The following GRID2 variants were observed in gnomAD, a reference collection of about 807,000 sequenced individuals.
GRID2 encodes glutamate receptor ionotropic, delta-2.
GRID2 carries 33 observed loss-of-function variants against 114.8 expected under a neutral mutation model. The observed-to-expected ratio is 0.29, with a 90% CI of 0.22 to 0.38. GRID2 has a LOEUF of 0.38. Among genes scored for constraint, GRID2 ranks in the 10% least tolerant of loss-of-function variants. The pLI, the probability that GRID2 is intolerant of heterozygous loss-of-function variation, is 1.00. For synonymous variants in GRID2, 505 were observed against 449.9 expected (o/e 1.12, Z -1.55); for missense variants, 1,184 against 1,257.7 (o/e 0.94, Z 0.89).
chr4:92,316,762 G>T lies in GRID2; in HGVS notation c.88+12018G>T, dbSNP rs1035781539. Among the ~76,000 whole-genome samples, 5 of 152,032 alleles carry T rather than the reference G, an allele frequency of 3.3e-5. No homozygotes were observed. In the South Asian group the frequency reaches 1.0e-3, roughly 31 times the overall value. On this transcript the variant is annotated intron_variant, in intron 1 of 15. Transcript: ENST00000282020. ...ATGCCATTTTTATAGTAGCCTAAAG[G>T]TGCCATAAAAACATATATTTCAGAA...
intron 9 of GRID2, among the ~76,000 whole-genome samples, chr4:93,399,096 A>G (rs1422357615): frequency 3.9e-5 from 6 of 151,926 alleles, no homozygotes; most frequent in African/African-American, 7.2e-5. Flanking sequence ...TCTATACTCA[A>G]CTTGATGTTG....
chr4:92,986,646 TA>T (rs1047799249), intron 2 of GRID2, among the ~76,000 whole-genome samples: 4 of 152,136 alleles, frequency 2.6e-5, no homozygotes, highest in African/African-American at 9.7e-5. Context: ...GAATGCTGCC[TA>T]GGGGGTATAT....
intron 2 of GRID2, among the ~76,000 whole-genome samples, chr4:92,884,338 C>T (rs1746221995): frequency 6.6e-6 from 1 of 152,140 alleles, no homozygotes; most frequent in African/African-American, 2.4e-5. Context: ...ATCTTCTATC[C>T]AGATCACTCA....
At chr4:93,612,062 T>A (rs973125316) in intron 13 of GRID2, among the ~76,000 whole-genome samples, 2 of 152,166 alleles carry the variant, frequency 1.3e-5, no homozygotes, top group African/African-American at 4.8e-5. Flanking sequence ...CCCTTTACCA[T>A]TATGTAATGG....
intron 13 of GRID2, among the ~76,000 whole-genome samples, chr4:93,541,049 G>T (rs1732600883): frequency 1.3e-5 from 2 of 152,086 alleles, no homozygotes; most frequent in South Asian, 4.1e-4. Flanking sequence ...AAATGAAAAA[G>T]AATATGACAG....
intron 8 of GRID2, among the ~76,000 whole-genome samples, chr4:93,376,863 T>C (rs1200664803): frequency 2.0e-5 from 3 of 152,262 alleles, no homozygotes; most frequent in Non-Finnish European, 2.9e-5. Flanking sequence ...AAATAACTAA[T>C]GCATACTGGG....
At chr4:93,198,522 G>T (rs1741735983) in intron 4 of GRID2, among the ~76,000 whole-genome samples, 1 of 152,122 alleles carries the variant, frequency 6.6e-6, no homozygotes, top group Non-Finnish European at 1.5e-5. Flanking sequence ...GAGGGACTAA[G>T]GGGTTATATA....
At chr4:93,398,692 A>G (rs961416042) in intron 9 of GRID2, among the ~76,000 whole-genome samples, 2 of 151,496 alleles carry the variant, frequency 1.3e-5, no homozygotes, top group African/African-American at 4.8e-5. Context: ...ATTTCCTGCA[A>G]GCTTAGCCCT....
chr4:92,588,540 G>A (rs1460472575), intron 1 of GRID2, among the ~76,000 whole-genome samples: 2 of 151,612 alleles, frequency 1.3e-5, no homozygotes, highest in Admixed American at 6.6e-5. Context: ...TTAGCTGGGC[G>A]CGGTGGCAGG....
chr4:93,151,256 C>T (rs1405991567), intron 4 of GRID2, among the ~76,000 whole-genome samples: 1 of 151,836 alleles, frequency 6.6e-6, no homozygotes, highest in Non-Finnish European at 1.5e-5. Context: ...AGAGATTTTT[C>T]TGGAGGCTGT....
chr4:92,898,627 C>A (rs919726974), intron 2 of GRID2, among the ~76,000 whole-genome samples: 2 of 152,064 alleles, frequency 1.3e-5, no homozygotes, highest in Admixed American at 6.5e-5. Context: ...AAGGAGAGAG[C>A]CTTCAAAAGT....
intron 14 of GRID2, among the ~76,000 whole-genome samples, chr4:93,742,979 A>G (rs752195093): frequency 9.2e-5 from 14 of 152,246 alleles, no homozygotes; most frequent in Non-Finnish European, 1.8e-4. Context: ...GCCAAAAGTT[A>G]GTTGTCTTGT....
chr4:92,966,461 G>C (rs951419948), intron 2 of GRID2, among the ~76,000 whole-genome samples: 3 of 152,002 alleles, frequency 2.0e-5, no homozygotes, highest in Admixed American at 2.0e-4. Flanking sequence ...CCAGATTTCA[G>C]TGGGCTCTGA....
chr4:92,942,096 A>G (rs1439530692), intron 2 of GRID2, among the ~76,000 whole-genome samples: 2 of 152,174 alleles, frequency 1.3e-5, no homozygotes, highest in East Asian at 1.9e-4. Context: ...TACTTGGTGC[A>G]GAGCTGAGTT....
intron 2 of GRID2, among the ~76,000 whole-genome samples, chr4:92,897,385 C>G (rs1747247498): frequency 6.6e-6 from 1 of 152,066 alleles, no homozygotes; most frequent in Non-Finnish European, 1.5e-5. Flanking sequence ...TCATACAAAA[C>G]AGTGTACTTT....
chr4:93,293,153 G>A (rs754064063), intron 8 of GRID2, among the ~76,000 whole-genome samples: 4 of 152,040 alleles, frequency 2.6e-5, no homozygotes, highest in Non-Finnish European at 5.9e-5. Flanking sequence ...TTTTAATACA[G>A]TTACATTATT....
At chr4:92,779,044 A>G (rs1450233284) in intron 2 of GRID2, among the ~76,000 whole-genome samples, 3 of 152,102 alleles carry the variant, frequency 2.0e-5, no homozygotes, top group Non-Finnish European at 4.4e-5. Flanking sequence ...TATCATATGT[A>G]TGAAATGTAA....
At chr4:92,698,269 T>G (rs1346985912) in intron 2 of GRID2, among the ~76,000 whole-genome samples, 1 of 152,280 alleles carries the variant, frequency 6.6e-6, no homozygotes, top group African/African-American at 2.4e-5. Flanking sequence ...AATCACATAT[T>G]ATCATTTTCA....
At chr4:93,137,929 A>G (rs1291634034) in intron 4 of GRID2, among the ~76,000 whole-genome samples, 1 of 116,902 alleles carries the variant, frequency 8.6e-6, no homozygotes, top group Non-Finnish European at 1.8e-5. Flanking sequence ...GAGCTTTTTG[A>G]TTTTGAACAT....
Sources: allele counts gnomAD v4.1 joint callset (sites outside exome capture counted in the v4.1 genomes callset), GRCh38; gene constraint gnomAD v4.1.1; transcripts MANE v1.5; gene names NCBI Gene and HGNC (gene_info 2026-07-23, HGNC 2026-07-21).